NRG1: variants seen among roughly 807,000 people sequenced by gnomAD.
The protein encoded by NRG1 is neuregulin 1, also known as pro-neuregulin-1, membrane-bound isoform.
In NRG1, 18 loss-of-function variants were observed where a neutral mutation model predicts 63.8. That is an observed-to-expected ratio of 0.28 (90% confidence interval 0.19 to 0.42). NRG1 has a LOEUF of 0.42. Among genes scored for constraint, NRG1 ranks in the 10% least tolerant of loss-of-function variants. NRG1 has a pLI of 1.00. For synonymous variants in NRG1, 302 were observed against 301.3 expected (o/e 1.00, Z -0.02); for missense variants, 762 against 814.7 (o/e 0.94, Z 0.79).
intron 1 of NRG1, among the ~76,000 whole-genome samples, chr8:31,852,647 C>A (rs1024227454): frequency 1.3e-5 from 2 of 151,554 alleles, no homozygotes; most frequent in African/African-American, 4.8e-5. Context: ...GCTTTTGTTG[C>A]CATTGCTTTT....
chr8:32,762,932 C>G (rs1418997743), intron 11 of NRG1, among the ~76,000 whole-genome samples: 1 of 152,068 alleles, frequency 6.6e-6, no homozygotes, highest in East Asian at 1.9e-4. Context: ...CAGGGTACAG[C>G]CAACCCTTGA....
intron 1 of NRG1, among the ~76,000 whole-genome samples, chr8:31,810,193 C>T (rs1245006085): frequency 6.6e-6 from 1 of 152,120 alleles, no homozygotes; most frequent in Non-Finnish European, 1.5e-5. Flanking sequence ...CAGCTACATC[C>T]CTAATCCAAG....
chr8:32,738,685 C>T (rs1369936843), intron 6 of NRG1, among the ~76,000 whole-genome samples: 1 of 152,212 alleles, frequency 6.6e-6, no homozygotes, highest in East Asian at 1.9e-4. Context: ...AGTAATTCCA[C>T]AGAATTTCAC....
At chr8:32,308,878 C>G (rs1025130374) in intron 1 of NRG1, among the ~76,000 whole-genome samples, 1 of 152,220 alleles carries the variant, frequency 6.6e-6, no homozygotes, top group Non-Finnish European at 1.5e-5. Context: ...ATAGACCAAA[C>G]TATTCATTCC....
intron 1 of NRG1, among the ~76,000 whole-genome samples, chr8:31,795,403 T>G (rs1406346212): frequency 6.6e-6 from 1 of 152,146 alleles, no homozygotes; most frequent in Admixed American, 6.5e-5. Flanking sequence ...GGCATAAAAG[T>G]GATAGAGCGC....
chr8:32,349,161 T>A (rs1254051823), intron 1 of NRG1, among the ~76,000 whole-genome samples: 2 of 152,304 alleles, frequency 1.3e-5, no homozygotes, highest in East Asian at 3.9e-4. Flanking sequence ...GACACCTTAG[T>A]GCATGTTCCT....
At position 31,659,682 on chromosome 8, in the gene NRG1, G is replaced by A. The variant is rs557407380; in HGVS notation, c.37+20251G>A. Among the ~76,000 whole-genome samples the A allele has an allele frequency of 4.6e-5, 7 of 152,266 alleles. 1 individual carries two copies. In the South Asian group the frequency reaches 1.2e-3, roughly 27 times the overall value. Reference sequence around the variant, plus strand: ...GCCAGACTCCACTTTCTTAACTGGAGGGCAGGGTGGTTGCTCAAATATTTT... The same window carrying A: ...GCCAGACTCCACTTTCTTAACTGGAAGGCAGGGTGGTTGCTCAAATATTTT... On this transcript the variant is annotated intron_variant, in intron 1 of 10. Transcript: ENST00000519301.
At chr8:32,579,219 G>GTTTTT (rs1840216175) in intron 1 of NRG1, among the ~76,000 whole-genome samples, 2 of 108,834 alleles carry the variant, frequency 1.8e-5, no homozygotes, top group African/African-American at 3.2e-5. Context: ...TTTTTTTTTG[G>GTTTTT]ATACTATTGC....
chr8:31,660,118 C>T (rs961432848), intron 1 of NRG1, among the ~76,000 whole-genome samples: 17 of 152,236 alleles, frequency 1.1e-4, no homozygotes, highest in Middle Eastern at 3.4e-3. Context: ...TGAAACGCAA[C>T]GTATGTGACA....
chr8:32,333,540 A>G (rs759266087), intron 1 of NRG1, among the ~76,000 whole-genome samples: 15 of 152,316 alleles, frequency 9.8e-5, no homozygotes, highest in East Asian at 1.9e-4. Flanking sequence ...TTAATTATGC[A>G]TGGATATGGT....
At chr8:31,755,108 C>T (rs1045276336) in intron 1 of NRG1, among the ~76,000 whole-genome samples, 3 of 152,128 alleles carry the variant, frequency 2.0e-5, no homozygotes, top group Admixed American at 2.0e-4. Flanking sequence ...CTGCCCTGGA[C>T]AGGCCTGCAC....
At chr8:32,461,686 C>G (rs891069914) in intron 1 of NRG1, among the ~76,000 whole-genome samples, 2 of 152,034 alleles carry the variant, frequency 1.3e-5, no homozygotes, top group African/African-American at 4.8e-5. Flanking sequence ...AAGCGAGACT[C>G]TGTCTCCAAA....
intron 1 of NRG1, among the ~76,000 whole-genome samples, chr8:31,751,840 A>G (rs1020851743): frequency 4.6e-5 from 7 of 152,014 alleles, no homozygotes; most frequent in African/African-American, 1.4e-4. Flanking sequence ...AGAACTCTGC[A>G]TCATATAATA....
At chr8:32,399,139 G>A (rs541898496) in intron 1 of NRG1, among the ~76,000 whole-genome samples, 1 of 152,136 alleles carries the variant, frequency 6.6e-6, no homozygotes, top group East Asian at 1.9e-4. Flanking sequence ...CATATATCTT[G>A]CCCTGATTAT....
rs146715866 is a variant in NRG1, at chr8:32,149,648, A to G, written c.38-446180A>G. 1.7e-3 allele frequency among the ~76,000 whole-genome samples: 263 copies of G among 152,328 alleles called. 2 individuals carry two copies. Among genetic ancestry groups the G allele is most frequent in the African/African-American group, 6.1e-3 (253 of 41,566 alleles). On this transcript the variant is annotated intron_variant, in intron 1 of 10. Coordinates refer to the NRG1 transcript ENST00000519301. ...TATCCCCAGGAGACACTCAGAATAT[A>G]TTTGTTGATTGTTTTGATTTTAAAG...
At chr8:32,576,665 T>C (rs1839694070) in intron 1 of NRG1, among the ~76,000 whole-genome samples, 1 of 152,288 alleles carries the variant, frequency 6.6e-6, no homozygotes, top group South Asian at 2.1e-4. Context: ...GTGTAATATT[T>C]ATGAGAAAGT....
chr8:31,836,582 A>C (rs543524946), intron 1 of NRG1, among the ~76,000 whole-genome samples: 1 of 152,188 alleles, frequency 6.6e-6, no homozygotes, highest in African/African-American at 2.4e-5. Flanking sequence ...TTTTTGCATT[A>C]AACTTATATG....
chr8:31,900,912 T>A (rs1832022511), intron 1 of NRG1, among the ~76,000 whole-genome samples: 1 of 152,144 alleles, frequency 6.6e-6, no homozygotes, highest in South Asian at 2.1e-4. Flanking sequence ...AAAACAGAGG[T>A]CACAGATGTT....
intron 1 of NRG1, among the ~76,000 whole-genome samples, chr8:31,956,471 T>A (rs327390): frequency 0.14 from 20,738 of 151,938 alleles, 4,077 homozygotes; most frequent in African/African-American, 0.44. Flanking sequence ...TACAAAAAAA[T>A]TAGCCAGGCA....
Sources: allele counts gnomAD v4.1 joint callset (sites outside exome capture counted in the v4.1 genomes callset), GRCh38; gene constraint gnomAD v4.1.1; transcripts MANE v1.5; gene names NCBI Gene and HGNC (gene_info 2026-07-23, HGNC 2026-07-21).